The following LINGO2 variants were observed in gnomAD, a reference collection of about 807,000 sequenced individuals.
LINGO2 encodes leucine rich repeat and Ig domain containing 2, also known as leucine-rich repeat and immunoglobulin-like domain-containing nogo receptor-interacting protein 2.
Under a neutral mutation model 30.6 loss-of-function variants are expected in LINGO2, and 14 were observed. The ratio of observed to expected loss-of-function variants is 0.46; its 90% confidence interval spans 0.30 to 0.72. LINGO2 has a LOEUF of 0.72. Among genes scored for constraint, LINGO2 ranks in the 30% least tolerant of loss-of-function variants. LINGO2 has a pLI of 0.07. For missense variants in LINGO2, 729 were observed against 751.7 expected, an observed-to-expected ratio of 0.97 and a Z score of 0.35; for synonymous variants, 317 against 288.5, an observed-to-expected ratio of 1.10 and a Z score of -1.00.
chr9:28,678,798 G>A, the LINGO2 span, among the ~76,000 whole-genome samples: 3 of 152,166 alleles, frequency 2.0e-5, no homozygotes, highest in South Asian at 6.2e-4. Context: ...AACTTAAGAT[G>A]AGCTGGAGCT....
At chr9:28,053,847 A>G (rs558723783) in intron 4 of LINGO2, among the ~76,000 whole-genome samples, 2 of 152,222 alleles carry the variant, frequency 1.3e-5, no homozygotes, top group East Asian at 3.9e-4. Context: ...AGGTACTTGC[A>G]CTCTAATTGG....
chr9:28,242,871 C>G (rs1821850319), intron 4 of LINGO2, among the ~76,000 whole-genome samples: 1 of 152,156 alleles, frequency 6.6e-6, no homozygotes. Flanking sequence ...TCCAGCCAAA[C>G]TAAGCTTCAT....
At chr9:28,212,171 T>C (rs1295809291) in intron 4 of LINGO2, among the ~76,000 whole-genome samples, 1 of 151,514 alleles carries the variant, frequency 6.6e-6, no homozygotes, top group Non-Finnish European at 1.5e-5. Flanking sequence ...ATAAAAGTCC[T>C]ATGACTGCTA....
intron 4 of LINGO2, among the ~76,000 whole-genome samples, chr9:28,038,276 C>A (rs1824034596): frequency 6.6e-6 from 1 of 151,998 alleles, no homozygotes; most frequent in Admixed American, 6.6e-5. Flanking sequence ...ACTATGAGAC[C>A]AGAAGGGGCC....
chr9:28,548,989 A>G (rs1822116175), intron 1 of LINGO2, among the ~76,000 whole-genome samples: 1 of 152,048 alleles, frequency 6.6e-6, no homozygotes, highest in South Asian at 2.1e-4. Context: ...GTATAGATAT[A>G]ATACATATTT....
Position 28,201,078 on chromosome 9 carries a change from C to CT in LINGO2, c.-87+94129dup, listed in dbSNP as rs199805525. ...GACTTGATTTCTTGATATCTTTTTT[C>CT]TTTTTTTTTTTATTATACTTTAAGT... On this transcript the variant is annotated intron_variant, in intron 4 of 5. Coordinates refer to ENST00000379992, the Ensembl canonical transcript of LINGO2. Among the ~76,000 whole-genome samples, 1,214 of 137,488 alleles carry CT rather than the reference C, an allele frequency of 8.8e-3. 15 individuals carry two copies. Among genetic ancestry groups the CT allele is most frequent in the Non-Finnish European group, 0.01 (630 of 62,854 alleles). The allele number at this position is 137,488 out of a possible 152,430, so 90.2% of individuals were successfully genotyped here.
intron 1 of LINGO2, among the ~76,000 whole-genome samples, chr9:28,530,491 T>C (rs1052502343): frequency 2.0e-5 from 3 of 152,082 alleles, no homozygotes; most frequent in Non-Finnish European, 4.4e-5. Flanking sequence ...CCTCTCAGAG[T>C]AAACATAACG....
chr9:28,118,281 G>C (rs956782046), intron 4 of LINGO2, among the ~76,000 whole-genome samples: 1 of 152,102 alleles, frequency 6.6e-6, no homozygotes, highest in Non-Finnish European at 1.5e-5. Flanking sequence ...TGTGAATTGA[G>C]TATGGAGAAC....
In LINGO2 at chr9:28,634,341, A is replaced by G. The variant is rs376891570; in HGVS notation, c.-365+35859T>C. Among the ~76,000 whole-genome samples, 24 of 152,250 alleles carry G rather than the reference A, an allele frequency of 1.6e-4. No individual in the cohort carries two copies. The East Asian group carries it at 4.2e-3, about 27-fold the overall frequency. On this transcript the variant is annotated intron_variant, in intron 1 of 5. Coordinates refer to ENST00000379992, the Ensembl canonical transcript of LINGO2. ...ACTATAAGTTGCATAAGTTCTCTAG[A>G]GGTCCATGCAGACAATCTCTTTTAT...
At chr9:28,929,807 G>C in the LINGO2 span, among the ~76,000 whole-genome samples, 3 of 152,098 alleles carry the variant, frequency 2.0e-5, no homozygotes, top group African/African-American at 7.2e-5. Flanking sequence ...AAACTATAAA[G>C]AACAAATTTT....
At chr9:28,885,750 G>C in the LINGO2 span, among the ~76,000 whole-genome samples, 1 of 152,120 alleles carries the variant, frequency 6.6e-6, no homozygotes. Context: ...GGGTAGAACA[G>C]CTATCCTTAG....
intron 1 of LINGO2, among the ~76,000 whole-genome samples, chr9:28,549,204 T>C (rs1211533168): frequency 2.6e-5 from 4 of 152,132 alleles, no homozygotes; most frequent in African/African-American, 7.2e-5. Context: ...GTTGTGTGTG[T>C]TTAAATCTTA....
chr9:28,603,590 T>A (rs914199869), intron 1 of LINGO2, among the ~76,000 whole-genome samples: 1 of 152,058 alleles, frequency 6.6e-6, no homozygotes, highest in Non-Finnish European at 1.5e-5. Context: ...ATTGCCATAT[T>A]TGTGAGGCAC....
At chr9:28,349,512 T>C (rs1400367924) in intron 3 of LINGO2, among the ~76,000 whole-genome samples, 33 of 114,592 alleles carry the variant, frequency 2.9e-4, no homozygotes, top group African/African-American at 9.6e-4. Flanking sequence ...AAAGACCAAA[T>C]CTACGTCTGA....
chr9:28,572,633 A>C (rs1378011374), intron 1 of LINGO2, among the ~76,000 whole-genome samples: 1 of 152,058 alleles, frequency 6.6e-6, no homozygotes, highest in Non-Finnish European at 1.5e-5. Context: ...ATTTAAGGGG[A>C]AATGGAGACA....
intron 4 of LINGO2, among the ~76,000 whole-genome samples, chr9:28,294,447 G>A (rs760634829): frequency 5.3e-5 from 8 of 152,158 alleles, no homozygotes; most frequent in South Asian, 4.2e-4. Context: ...TTAAAATTTC[G>A]ACAGTCTTAG....
the LINGO2 span, among the ~76,000 whole-genome samples, chr9:28,894,330 T>C: frequency 1.3e-5 from 2 of 152,134 alleles, no homozygotes; most frequent in African/African-American, 4.8e-5. Flanking sequence ...TTATATATTT[T>C]ATCATGGATA....
the LINGO2 span, among the ~76,000 whole-genome samples, chr9:28,774,041 TACACACACACACACACACACACAC>T: frequency 6.8e-6 from 1 of 146,786 alleles, no homozygotes; most frequent in African/African-American, 2.5e-5. Flanking sequence ...TTCTTTTTGA[TACACACACACACACACACACACAC>T]ACACACACAC....
chr9:28,045,548 G>C (rs1563940112), intron 4 of LINGO2, among the ~76,000 whole-genome samples: 2 of 152,182 alleles, frequency 1.3e-5, no homozygotes, highest in Admixed American at 6.5e-5. Flanking sequence ...AAGTATGAGA[G>C]AAAAGATTGA....
Sources: gnomAD v4.1 joint callset for allele counts (sites outside exome capture counted in the v4.1 genomes callset) on GRCh38, gnomAD v4.1.1 for gene constraint, MANE v1.5 for transcripts, NCBI Gene and HGNC (gene_info 2026-07-23, HGNC 2026-07-21) for gene names.